Variants in NELL2 observed in about 807,000 individuals in gnomAD.
NELL2 encodes protein kinase C-binding protein NELL2.
NELL2 carries 41 observed loss-of-function variants against 109.6 expected under a neutral mutation model. That is an observed-to-expected ratio of 0.37 (90% CI 0.29 to 0.49). NELL2 has a LOEUF of 0.49. NELL2 is among the 20% of genes least tolerant of loss of function. The pLI, the probability that NELL2 is intolerant of heterozygous loss-of-function variation, is 0.98. For synonymous variants in NELL2, 355 were observed against 344.7 expected (o/e 1.03, Z -0.33); for missense variants, 900 against 1,008.3 (o/e 0.89, Z 1.45).
At chr12:44,587,504 T>C (rs1321084955) in intron 15 of NELL2, among the ~76,000 whole-genome samples, 1 of 151,940 alleles carries the variant, frequency 6.6e-6, no homozygotes, top group Non-Finnish European at 1.5e-5. Flanking sequence ...GCCAAGGGAA[T>C]GATTTGTGAT....
intron 18 of NELL2, 67 bp downstream of exon 18, chr12:44,521,933 A>G: frequency 6.6e-7 from 1 of 1,521,698 alleles, no homozygotes; most frequent in Non-Finnish European, 9.0e-7. Flanking sequence ...GATGGGGAGG[A>G]CGAGGTTGCT....
intron 15 of NELL2, among the ~76,000 whole-genome samples, chr12:44,539,304 T>C (rs1333538470): frequency 6.6e-6 from 1 of 152,134 alleles, no homozygotes; most frequent in Non-Finnish European, 1.5e-5. Flanking sequence ...TCAGATTTAT[T>C]AGTTGGTGGA....
chr12:44,919,319 T>C (rs909625135), intron 1 of NELL2, among the ~76,000 whole-genome samples: 3 of 151,838 alleles, frequency 2.0e-5, no homozygotes, highest in African/African-American at 7.2e-5. Context: ...AAATGATAAA[T>C]TATTAATATT....
intron 9 of NELL2, among the ~76,000 whole-genome samples, chr12:44,763,240 G>C (rs978120028): frequency 4.6e-5 from 7 of 152,144 alleles, no homozygotes; most frequent in African/African-American, 1.7e-4. Flanking sequence ...ACCTTTCTGA[G>C]ATTCAGGGCC....
chr12:44,870,555 T>G (rs1945133217), intron 2 of NELL2, among the ~76,000 whole-genome samples: 1 of 152,150 alleles, frequency 6.6e-6, no homozygotes, highest in African/African-American at 2.4e-5. Context: ...TGGTCTAAAA[T>G]CAAGGTATCA....
intron 9 of NELL2, among the ~76,000 whole-genome samples, chr12:44,721,816 G>T (rs548847168): frequency 6.8e-4 from 103 of 152,172 alleles, no homozygotes; most frequent in African/African-American, 2.4e-3. Flanking sequence ...ACAGTTTCTG[G>T]TGTGCAGGTA....
At chr12:44,877,409 C>T (rs1013546850), upstream of NELL2, among the ~76,000 whole-genome samples, 4 of 152,188 alleles carry the variant, frequency 2.6e-5, no homozygotes, top group African/African-American at 9.6e-5. Context: ...TGAGGAATGG[C>T]ATTCCACTTT....
At chr12:44,649,679 C>T (rs553567122) in intron 13 of NELL2, among the ~76,000 whole-genome samples, 2 of 152,248 alleles carry the variant, frequency 1.3e-5, no homozygotes, top group Admixed American at 1.3e-4. Flanking sequence ...TTCTTTGAGC[C>T]CCCATACCCT....
chr12:44,902,694 C>G (rs549103864), intron 1 of NELL2, among the ~76,000 whole-genome samples: 2 of 152,018 alleles, frequency 1.3e-5, no homozygotes, highest in Non-Finnish European at 2.9e-5. Flanking sequence ...GGTACTGGTA[C>G]GAAAACAGAG....
At chr12:44,510,608 C>T (rs1288263271) in intron 19 of NELL2, among the ~76,000 whole-genome samples, 2 of 152,228 alleles carry the variant, frequency 1.3e-5, no homozygotes, top group Non-Finnish European at 2.9e-5. Flanking sequence ...AGAATATTAT[C>T]AGTTTAACTT....
chr12:44,547,431 C>T (rs552763085), intron 15 of NELL2, among the ~76,000 whole-genome samples: 15 of 152,070 alleles, frequency 9.9e-5, no homozygotes, highest in Admixed American at 2.0e-4. Flanking sequence ...ATCATGTAAA[C>T]GAGGTAGGAT....
chr12:44,799,296 T>C (rs1333174338), intron 3 of NELL2, among the ~76,000 whole-genome samples: 1 of 152,030 alleles, frequency 6.6e-6, no homozygotes, highest in Non-Finnish European at 1.5e-5. Context: ...GCGTATGACC[T>C]TTGTGCAATA....
chr12:44,905,322 T>C (rs1291984451), intron 1 of NELL2, among the ~76,000 whole-genome samples: 1 of 151,902 alleles, frequency 6.6e-6, no homozygotes, highest in Non-Finnish European at 1.5e-5. Context: ...TATGTTTTAT[T>C]TAATTATATT....
At chr12:44,689,870 G>A (rs188198224) in intron 12 of NELL2, among the ~76,000 whole-genome samples, 30 of 152,198 alleles carry the variant, frequency 2.0e-4, no homozygotes, top group East Asian at 3.9e-4. Flanking sequence ...AGTACAAAAC[G>A]TCAACAGTGT....
intron 12 of NELL2, among the ~76,000 whole-genome samples, chr12:44,683,649 A>G (rs998245810): frequency 2.6e-5 from 4 of 152,052 alleles, no homozygotes; most frequent in African/African-American, 4.8e-5. Context: ...AATTTTGTCA[A>G]AGGCCTTTTC....
At chr12:44,728,970 AATG>A (rs144979266) in intron 9 of NELL2, among the ~76,000 whole-genome samples, 11,268 of 152,152 alleles carry the variant, frequency 0.074, 1,340 homozygotes, top group African/African-American at 0.25. Flanking sequence ...CCTTACAGAA[AATG>A]ATAACAGAAG....
intron 13 of NELL2, among the ~76,000 whole-genome samples, chr12:44,655,943 T>C (rs963583701): frequency 6.6e-6 from 1 of 152,218 alleles, no homozygotes; most frequent in Non-Finnish European, 1.5e-5. Flanking sequence ...TTCCTGATAG[T>C]TTGCAATGCT....
chr12:44,675,849 G>A (rs1268502877), intron 12 of NELL2, among the ~76,000 whole-genome samples: 1 of 152,086 alleles, frequency 6.6e-6, no homozygotes, highest in African/African-American at 2.4e-5. Flanking sequence ...GCCATAACAA[G>A]AGCAACATTT....
In NELL2 at chr12:44,673,387, A is replaced by T. The variant is rs80234299; in HGVS notation, c.1319-7778T>A. 6.0e-3 allele frequency among the ~76,000 whole-genome samples: 918 copies of T among 152,328 alleles called. 16 individuals carry two copies. The highest frequency in any genetic ancestry group is 0.021 in the African/African-American group (886 of 41,580). On this transcript the variant is annotated intron_variant, in intron 12 of 19. Coordinates refer to ENST00000429094, the MANE Select transcript of NELL2 (RefSeq NM_001145108.2). ...ACAATTCATTTTCAATTCTCTACAC[A>T]TTCACTGAGTATATTCTATGTACAA...
Sources: gnomAD v4.1 joint callset for allele counts (sites outside exome capture counted in the v4.1 genomes callset) on GRCh38, gnomAD v4.1.1 for gene constraint, MANE v1.5 for transcripts, NCBI Gene and HGNC (gene_info 2026-07-23, HGNC 2026-07-21) for gene names.